The following JAKMIP2 variants were observed in gnomAD, a reference collection of about 807,000 sequenced individuals.
The protein encoded by JAKMIP2 is janus kinase and microtubule-interacting protein 2.
A neutral mutation model predicts 115.0 loss-of-function variants in JAKMIP2; 25 were observed. That is an observed-to-expected ratio of 0.22 (90% CI 0.16 to 0.30). The LOEUF (loss-of-function observed/expected upper bound fraction) is 0.30. Among genes scored for constraint, JAKMIP2 ranks in the 10% least tolerant of loss-of-function variants. The probability of loss-of-function intolerance (pLI) is 1.00; values close to 1 mark genes in which losing one functional copy is unlikely to be tolerated. For synonymous variants in JAKMIP2, 334 were observed against 343.6 expected, an observed-to-expected ratio of 0.97 and a Z score of 0.31; for missense variants, 642 against 957.6, an observed-to-expected ratio of 0.67 and a Z score of 4.35.
At chr5:147,647,635 G>T (rs891822605) in intron 5 of JAKMIP2, among the ~76,000 whole-genome samples, 1 of 152,144 alleles carries the variant, frequency 6.6e-6, no homozygotes, top group Non-Finnish European at 1.5e-5. Flanking sequence ...GTAAGAGTAT[G>T]CCCTACATCC....
intron 1 of JAKMIP2, among the ~76,000 whole-genome samples, chr5:147,775,406 C>T (rs1284316904): frequency 6.6e-6 from 1 of 152,094 alleles, no homozygotes; most frequent in Non-Finnish European, 1.5e-5. Context: ...ATATAACTTG[C>T]TGCTTATAAT....
chr5:147,672,636 A>G (rs539431983), intron 1 of JAKMIP2, among the ~76,000 whole-genome samples: 4 of 152,214 alleles, frequency 2.6e-5, no homozygotes, highest in African/African-American at 9.6e-5. Flanking sequence ...AGAGTTTTTT[A>G]AAAAATAGGC....
At chr5:147,770,531 T>C (rs1032269249) in intron 1 of JAKMIP2, among the ~76,000 whole-genome samples, 30 of 152,208 alleles carry the variant, frequency 2.0e-4, no homozygotes, top group African/African-American at 6.7e-4. Context: ...ACAAAAAATT[T>C]AAACAAAAAA....
intron 1 of JAKMIP2, among the ~76,000 whole-genome samples, chr5:147,752,575 A>G (rs1754597259): frequency 6.6e-6 from 1 of 152,158 alleles, no homozygotes; most frequent in Admixed American, 6.5e-5. Context: ...AAGGCCCACA[A>G]AACCTAAAAT....
At chr5:147,628,344 A>T (rs532044460) in intron 16 of JAKMIP2, among the ~76,000 whole-genome samples, 15 of 152,198 alleles carry the variant, frequency 9.9e-5, no homozygotes, top group African/African-American at 3.4e-4. Context: ...GCCCCTACTA[A>T]GCCACAGGAT....
At chr5:147,592,868 A>C (rs1755165379) in intron 21 of JAKMIP2, among the ~76,000 whole-genome samples, 1 of 152,180 alleles carries the variant, frequency 6.6e-6, no homozygotes, top group Admixed American at 6.5e-5. Flanking sequence ...CAACTTAAAG[A>C]TCCAAAGGCA....
chr5:147,732,465 C>T (rs1753769812), intron 1 of JAKMIP2, among the ~76,000 whole-genome samples: 1 of 151,688 alleles, frequency 6.6e-6, no homozygotes, highest in South Asian at 2.1e-4. Flanking sequence ...TAATTATCAA[C>T]ACAGAAAACA....
At position 147,623,716 on chromosome 5, in the gene JAKMIP2, T is replaced by C. The variant is rs373793232; in HGVS notation, c.1996-27A>G. On this transcript the variant is annotated intron_variant, in intron 16 of 21. Coordinates refer to ENST00000616793, the MANE Select transcript of JAKMIP2 (RefSeq NM_001270941.2). ...TAAGGGGTTAACAAGACAAAAGTGT[T>C]TGACATGGCTGCTTGATATGGTGTA... is the stretch of plus-strand genomic sequence containing the variant. The C allele has an allele frequency of 8.7e-6, 13 of 1,494,952 alleles. No individual in the cohort carries two copies. The South Asian group carries it at 1.1e-4, about 13-fold the overall frequency. 92.6% of individuals were successfully genotyped at this position (1,494,952 alleles called of 1,614,324 possible). A position where few individuals can be genotyped will look rare whatever the true frequency, so the allele number is the denominator to read the frequency against.
chr5:147,628,637 A>T, intron 16 of JAKMIP2, 114 bp downstream of exon 16: 1 of 684,864 alleles, frequency 1.5e-6, no homozygotes, highest in Non-Finnish European at 2.5e-6. Context: ...TAAAATGTGT[A>T]TTAGGTATTC....
In JAKMIP2 at chr5:147,609,375, G is replaced by A. The variant is rs143658401; in HGVS notation, c.2412+2931C>T. ...ACTCTTGTAAGGCAGGCCTGATGGT[G>A]ACAAAATCCCTTAGCATTTGCTTGT... On this transcript the variant is annotated intron_variant, in intron 20 of 21. Transcript: ENST00000616793. Among the ~76,000 whole-genome samples the A allele has an allele frequency of 6.3e-3, 957 of 152,248 alleles. 51 individuals are homozygous for A. In the East Asian group the frequency reaches 0.13, roughly 21 times the overall value.
intron 1 of JAKMIP2, among the ~76,000 whole-genome samples, chr5:147,684,929 A>T (rs2126843349): frequency 6.6e-6 from 1 of 152,320 alleles, no homozygotes; most frequent in Admixed American, 6.5e-5. Context: ...GAACTTACTC[A>T]TCTCACCATT....
At chr5:147,711,102 T>G (rs916437223) in intron 1 of JAKMIP2, among the ~76,000 whole-genome samples, 1 of 152,194 alleles carries the variant, frequency 6.6e-6, no homozygotes, top group Non-Finnish European at 1.5e-5. Context: ...AACTTTTTAA[T>G]TTTTACTCTC....
At chr5:147,663,000 A>C (rs1475376242) in intron 2 of JAKMIP2, among the ~76,000 whole-genome samples, 1 of 151,980 alleles carries the variant, frequency 6.6e-6, no homozygotes, top group Non-Finnish European at 1.5e-5. Flanking sequence ...AAGAAGAAAA[A>C]AAAAAGAAGA....
At chr5:147,598,187 G>A (rs1755494417) in intron 21 of JAKMIP2, among the ~76,000 whole-genome samples, 1 of 152,018 alleles carries the variant, frequency 6.6e-6, no homozygotes, top group Admixed American at 6.6e-5. Context: ...TTTTATTAGA[G>A]ACGCGGTTTC....
Position 147,657,153 on chromosome 5 carries a change from G to A in JAKMIP2, c.627+3795C>T, listed in dbSNP as rs190447288. 5.4e-3 allele frequency among the ~76,000 whole-genome samples: 817 copies of A among 152,230 alleles called. 8 individuals carry two copies. Among genetic ancestry groups the A allele is most frequent in the South Asian group, 0.012 (58 of 4,826 alleles). On this transcript the variant is annotated intron_variant, in intron 3 of 21. Coordinates refer to ENST00000616793, the MANE Select transcript of JAKMIP2 (RefSeq NM_001270941.2). The stretch of plus-strand genomic sequence containing the variant: ...AAATTGGCCGGGCATGGTGGCGGGC[G>A]CCTGTAGTCCCGGCTATTCGGGAGG...
rs1230961897 is a variant in JAKMIP2 at position 147,635,327 on chromosome 5, T to A, written c.1677+895A>T. ...ATTATATCTATTCAAGCCTAAGCCA[T>A]GTTTTTGTTTCTTAATTTGTTGAGT... On this transcript the variant is annotated intron_variant, in intron 12 of 21. Transcript: ENST00000616793. Among the ~76,000 whole-genome samples the A allele has an allele frequency of 3.3e-5, 5 of 152,326 alleles. No individual in the cohort carries two copies. The East Asian group carries it at 9.7e-4, about 29-fold the overall frequency.
At chr5:147,660,536 T>TG in intron 3 of JAKMIP2, 1 of 408,286 alleles carries the variant, frequency 2.4e-6, no homozygotes, top group South Asian at 1.8e-5. Flanking sequence ...CTACCCTCTA[T>TG]AAAAACAAAC....
At chr5:147,770,569 G>A (rs186741306) in intron 1 of JAKMIP2, among the ~76,000 whole-genome samples, 1 of 151,976 alleles carries the variant, frequency 6.6e-6, no homozygotes, top group Non-Finnish European at 1.5e-5. Flanking sequence ...TTTACACCAC[G>A]TAAATGATAA....
Position 147,675,318 on chromosome 5 carries a change from G to A in JAKMIP2, c.-148-3364C>T, listed in dbSNP as rs113647889. ...AAGTTATTGATAGCATCAGCCTATG[G>A]GTGCCTTAAGGTGAGCAACTTCATA... On this transcript the variant is annotated intron_variant, in intron 1 of 21. Transcript: ENST00000616793. 1.2e-3 allele frequency among the ~76,000 whole-genome samples: 187 copies of A among 152,178 alleles called. 1 individual carries two copies. The highest frequency in any genetic ancestry group is 4.3e-3 in the African/African-American group (177 of 41,518).
Sources: gnomAD v4.1 joint callset for allele counts (sites outside exome capture counted in the v4.1 genomes callset) on GRCh38, gnomAD v4.1.1 for gene constraint, MANE v1.5 for transcripts, NCBI Gene and HGNC (gene_info 2026-07-23, HGNC 2026-07-21) for gene names.